The following CHRM2 variants were observed in gnomAD, a reference collection of about 807,000 sequenced individuals.
CHRM2 encodes cholinergic receptor muscarinic 2, also known as muscarinic acetylcholine receptor M2.
Under a neutral mutation model 25.0 loss-of-function variants are expected in CHRM2, and 8 were observed. That is an observed-to-expected ratio of 0.32 (90% CI 0.19 to 0.58). The LOEUF (loss-of-function observed/expected upper bound fraction) is 0.58. Ranked by LOEUF, CHRM2 falls within the 20% of genes least tolerant of loss-of-function variation. The pLI, the probability that CHRM2 is intolerant of heterozygous loss-of-function variation, is 0.88. For missense variants in CHRM2, 440 were observed against 567.1 expected (o/e 0.78, Z 2.28); for synonymous variants, 202 against 205.7 (o/e 0.98, Z 0.15).
chr7:137,011,790 A>G (rs13229587), intron 3 of CHRM2, among the ~76,000 whole-genome samples: 3 of 152,036 alleles, frequency 2.0e-5, no homozygotes, highest in African/African-American at 7.2e-5. Flanking sequence ...AAGCAGTAAC[A>G]AGGTGATGGT....
intron 2 of CHRM2, among the ~76,000 whole-genome samples, chr7:136,991,472 A>G (rs567339632): frequency 4.2e-4 from 64 of 152,210 alleles, no homozygotes; most frequent in Non-Finnish European, 9.0e-4. Context: ...TGAGCTCTCT[A>G]TTATGTTCCC....
intron 2 of CHRM2, among the ~76,000 whole-genome samples, chr7:136,977,703 A>G (rs1221158786): frequency 6.6e-6 from 1 of 152,202 alleles, no homozygotes; most frequent in Non-Finnish European, 1.5e-5. Flanking sequence ...AATAAATGGC[A>G]TGCACAAATG....
intron 2 of CHRM2, among the ~76,000 whole-genome samples, chr7:136,966,127 G>T (rs1801400569): frequency 6.6e-6 from 1 of 151,516 alleles, no homozygotes; most frequent in South Asian, 2.1e-4. Context: ...GGGGAAGTTA[G>T]CATAGAAGAG....
At chr7:136,977,032 A>G (rs1802149088) in intron 2 of CHRM2, among the ~76,000 whole-genome samples, 1 of 152,222 alleles carries the variant, frequency 6.6e-6, no homozygotes. Flanking sequence ...GTGTACTACT[A>G]TTGGCTTTTA....
chr7:136,932,465 A>G (rs1213657415), intron 2 of CHRM2, among the ~76,000 whole-genome samples: 1 of 152,200 alleles, frequency 6.6e-6, no homozygotes, highest in Non-Finnish European at 1.5e-5. Context: ...AGACAGAATA[A>G]AACCTTACAT....
At chr7:137,011,231 A>T (rs915372937) in intron 3 of CHRM2, among the ~76,000 whole-genome samples, 6 of 144,020 alleles carry the variant, frequency 4.2e-5, no homozygotes, top group Admixed American at 3.4e-4. Context: ...ATATATATAT[A>T]TATGGATTTA....
At chr7:136,881,796 TTC>T (rs1389291932) in intron 2 of CHRM2, among the ~76,000 whole-genome samples, 6 of 152,060 alleles carry the variant, frequency 3.9e-5, no homozygotes, top group African/African-American at 1.4e-4. Flanking sequence ...AGTCTTCCAT[TTC>T]TCTGAGTGTG....
chr7:136,903,319 G>A (rs1797341239), intron 2 of CHRM2: 1 of 520,748 alleles, frequency 1.9e-6, no homozygotes, highest in Non-Finnish European at 3.9e-6. Context: ...AGAACTAAAT[G>A]GGTGTCTTCT....
intron 2 of CHRM2, among the ~76,000 whole-genome samples, chr7:136,934,655 C>T (rs1799308020): frequency 1.3e-5 from 2 of 152,016 alleles, no homozygotes; most frequent in Admixed American, 1.3e-4. Context: ...TTCCCAAAGC[C>T]CCCAAAAAAG....
chr7:136,918,400 AAGTT>A (rs976928882), intron 2 of CHRM2, among the ~76,000 whole-genome samples: 22 of 152,030 alleles, frequency 1.4e-4, no homozygotes, highest in African/African-American at 5.1e-4. Flanking sequence ...GAGCAGTAAA[AAGTT>A]AGGTGACTGA....
At chr7:136,959,996 C>G (rs1800972375) in intron 2 of CHRM2, among the ~76,000 whole-genome samples, 1 of 152,148 alleles carries the variant, frequency 6.6e-6, no homozygotes, top group African/African-American at 2.4e-5. Flanking sequence ...CAGCCTCATA[C>G]AGTGCAAGTA....
chr7:136,971,822 AAAG>A (rs1801795177), intron 2 of CHRM2, among the ~76,000 whole-genome samples: 2 of 143,236 alleles, frequency 1.4e-5, no homozygotes, highest in African/African-American at 5.1e-5. Context: ...GACAAATTTA[AAAG>A]CATCTTGTGT....
At chr7:136,922,522 C>G (rs952210807) in intron 2 of CHRM2, among the ~76,000 whole-genome samples, 2 of 152,144 alleles carry the variant, frequency 1.3e-5, no homozygotes, top group African/African-American at 4.8e-5. Context: ...GCTTACTATT[C>G]ATTTATATCT....
chr7:136,895,597 C>T (rs1796862364), intron 2 of CHRM2, among the ~76,000 whole-genome samples: 2 of 152,236 alleles, frequency 1.3e-5, no homozygotes, highest in Admixed American at 6.5e-5. Context: ...TAGTAGCAAC[C>T]AATTGGGATT....
intron 2 of CHRM2, among the ~76,000 whole-genome samples, chr7:136,951,614 C>T (rs967231640): frequency 6.6e-6 from 1 of 152,212 alleles, no homozygotes; most frequent in South Asian, 2.1e-4. Flanking sequence ...AGGGATGATT[C>T]GCTGTCCTTT....
At chr7:136,967,715 T>C (rs1801504051) in intron 2 of CHRM2, among the ~76,000 whole-genome samples, 1 of 152,070 alleles carries the variant, frequency 6.6e-6, no homozygotes, top group Non-Finnish European at 1.5e-5. Flanking sequence ...TAATTACTAT[T>C]AGACTTTTTG....
At chr7:136,913,748 G>T (rs1797966044) in intron 2 of CHRM2, among the ~76,000 whole-genome samples, 1 of 151,912 alleles carries the variant, frequency 6.6e-6, no homozygotes, top group Non-Finnish European at 1.5e-5. Context: ...TGTGAAGTGG[G>T]TATTATTTTA....
intron 2 of CHRM2, among the ~76,000 whole-genome samples, chr7:136,881,413 C>T (rs1006188483): frequency 1.3e-5 from 2 of 151,564 alleles, no homozygotes; most frequent in East Asian, 3.9e-4. Flanking sequence ...AATGTTTTGC[C>T]ATGCTTCTTG....
chr7:136,945,239 T>G (rs774259965), intron 2 of CHRM2, among the ~76,000 whole-genome samples: 1 of 152,162 alleles, frequency 6.6e-6, no homozygotes, highest in Non-Finnish European at 1.5e-5. Flanking sequence ...TTTAATTAAG[T>G]CCAATCTATA....
Sources: allele counts gnomAD v4.1 joint callset (sites outside exome capture counted in the v4.1 genomes callset), GRCh38; gene constraint gnomAD v4.1.1; transcripts MANE v1.5; gene names NCBI Gene and HGNC (gene_info 2026-07-23, HGNC 2026-07-21).